Variants in MXD1 observed in about 807,000 individuals in gnomAD.
MXD1 encodes MAX dimerization protein 1, also known as MAX-binding protein.
A neutral mutation model predicts 25.7 loss-of-function variants in MXD1; 9 were observed. The ratio of observed to expected loss-of-function variants is 0.35; its 90% CI spans 0.21 to 0.61. The LOEUF (loss-of-function observed/expected upper bound fraction) is 0.61. MXD1 is among the 20% of genes least tolerant of loss of function. MXD1 has a pLI of 0.75. For synonymous variants in MXD1, 99 were observed against 113.9 expected, an observed-to-expected ratio of 0.87 and a Z score of 0.83; for missense variants, 227 against 292.4, an observed-to-expected ratio of 0.78 and a Z score of 1.63.
Position 69,938,538 on chromosome 2 carries a change from G to T in MXD1, c.*254G>T. 1 of 438,614 alleles carries T rather than the reference G, an allele frequency of 2.3e-6. No homozygotes were observed. The highest frequency in any genetic ancestry group is 6.2e-4 in the Middle Eastern group (1 of 1,610). 27.2% of individuals were successfully genotyped at this position (438,614 alleles called of 1,614,324 possible). A position where few individuals can be genotyped will look rare whatever the true frequency, so the allele number is the denominator to read the frequency against. ...ATTCCAATCAATTTGAAGCATCCAA[G>T]AATTCTTAGACCGAATAAGCAATGT... is the stretch of plus-strand genomic sequence containing the variant. On this transcript the variant is annotated 3_prime_UTR_variant, in exon 6 of 6. Coordinates refer to ENST00000264444, the MANE Select transcript of MXD1 (RefSeq NM_002357.4).
rs886788914 is a variant in MXD1 at position 69,939,038 on chromosome 2, C to T, written c.*754C>T. ...GTTCTGCTATCTCGAGGCACATTCT[C>T]CCCTCCAACTTTGTTAATGCTACTT... is the stretch of plus-strand genomic sequence containing the variant. On this transcript the variant is annotated 3_prime_UTR_variant, in exon 6 of 6. Transcript: ENST00000264444. The T allele has an allele frequency of 6.6e-6, 1 of 152,574 alleles. No individual in the cohort carries two copies. Among genetic ancestry groups the T allele is most frequent in the African/African-American group, 2.4e-5 (1 of 41,408 alleles). The allele number at this position is 152,574 out of a possible 1,614,324, so 9.5% of individuals were successfully genotyped here.
intron 2 of MXD1, among the ~76,000 whole-genome samples, chr2:69,919,193 T>C (rs1272480965): frequency 1.3e-5 from 2 of 152,198 alleles, no homozygotes; most frequent in African/African-American, 2.4e-5. Flanking sequence ...AATCCAGAAA[T>C]ATTTTGGTAA....
rs1475891161 is a variant in MXD1, at chr2:69,921,776, G to T, written c.203+11G>T. On this transcript the variant is annotated intron_variant, in intron 3 of 5. Transcript: ENST00000264444. The stretch of plus-strand genomic sequence containing the variant: ...AATGGAGAAGAATAGGTGAGTTGGG[G>T]ATTTGGGAGGTGGAATGCGGGGAGC... 5 of 1,610,628 alleles carry T rather than the reference G, an allele frequency of 3.1e-6. No individual in the cohort carries two copies. The Admixed American group carries it at 6.7e-5, about 22-fold the overall frequency.
rs4853173 is a variant in MXD1 at position 69,940,890 on chromosome 2, G to A, written c.*2606G>A. The A allele has an allele frequency of 0.029, 4,455 of 152,718 alleles. 433 individuals are homozygous for A. The highest frequency in any genetic ancestry group is 0.2 in the Admixed American group (3,029 of 15,272). The allele number at this position is 152,718 out of a possible 1,614,324, so 9.5% of individuals were successfully genotyped here. A position where few individuals can be genotyped will look rare whatever the true frequency, so the allele number is the denominator to read the frequency against. ...CAACCCCATCCTCCGCGCCCCGTGC[G>A]GCTGATCGGCAGCCCTGATTCGCCA... On this transcript the variant is annotated 3_prime_UTR_variant, in exon 6 of 6. Transcript: ENST00000264444.
intron 2 of MXD1, among the ~76,000 whole-genome samples, chr2:69,919,983 A>AGTTTTGTTTTGTTTT (rs71993271): frequency 1.0e-4 from 15 of 150,498 alleles, no homozygotes; most frequent in Admixed American, 6.6e-4. Context: ...ACCATTTTAA[A>AGTTTTGTTTTGTTTT]GTTTTGTTTT....
intron 3 of MXD1, among the ~76,000 whole-genome samples, chr2:69,927,681 G>C (rs1049941210): frequency 6.6e-6 from 1 of 152,146 alleles, no homozygotes; most frequent in African/African-American, 2.4e-5. Flanking sequence ...TGAAAATTAG[G>C]CTCTGAAAAG....
At position 69,935,424 on chromosome 2, in the gene MXD1, A is replaced by G. The variant is rs756858594; in HGVS notation, c.277A>G (p.Thr93Ala). Residue 93 changes from threonine (T) to alanine (A), a missense_variant, in exon 4 of 6, where the codon ACT (threonine) becomes GCT (alanine). By Grantham distance (58) the Thr-to-Ala change is moderately conservative. Coordinates refer to ENST00000264444, the MANE Select transcript of MXD1 (RefSeq NM_002357.4). ...ACTTGGACCCGAATCAAGTCGACAC[A>G]CTACGTTGAGTTTATTAACAAAAGC... ...VPLGPESSRH[T>A]TLSLLTKAKL... is the part of the protein sequence containing the mutation. The G allele has an allele frequency of 6.2e-7, 1 of 1,614,168 alleles. No individual in the cohort carries two copies. The highest frequency in any genetic ancestry group is 8.5e-7 in the Non-Finnish European group (1 of 1,179,994).
In MXD1 at chr2:69,938,294, C is replaced by T; in HGVS notation, c.*10C>T. 6.2e-7 allele frequency: 1 copy of T among 1,612,940 alleles called. No homozygotes were observed. The highest frequency in any genetic ancestry group is 8.5e-7 in the Non-Finnish European group (1 of 1,179,154). On this transcript the variant is annotated 3_prime_UTR_variant, in exon 6 of 6. Transcript: ENST00000264444. ...GTGTCTTGGTCTCTAAGAGAGTGGG[C>T]ACTGCGGCTGTCTCCTTGAAGGTTC...
chr2:69,915,523 C>A lies in MXD1; in HGVS notation c.73+120C>A, dbSNP rs1383763653. On this transcript the variant is annotated intron_variant, in intron 1 of 5. Transcript: ENST00000264444. The surrounding 1 kb of genome is among the most constrained non-coding windows in gnomAD (Gnocchi z 5.8). ...TGGAGGCGGGGAGACCGCGAGCGCTCCCAACCCCTCTGGCTCTCCCCACGC... is the reference window on the plus strand; with the variant it reads ...TGGAGGCGGGGAGACCGCGAGCGCTACCAACCCCTCTGGCTCTCCCCACGC... 6 of 753,534 alleles carry A rather than the reference C, an allele frequency of 8.0e-6. No homozygotes were observed. Among genetic ancestry groups the A allele is most frequent in the Non-Finnish European group, 1.1e-5 (6 of 538,130 alleles). The allele number at this position is 753,534 out of a possible 1,614,324, so 46.7% of individuals were successfully genotyped here.
intron 3 of MXD1, among the ~76,000 whole-genome samples, chr2:69,927,304 G>C (rs1021527740): frequency 6.6e-6 from 1 of 152,144 alleles, no homozygotes; most frequent in African/African-American, 2.4e-5. Flanking sequence ...TATTGTTTCT[G>C]AACTTTCTTG....
rs369538575 is a variant in MXD1, at chr2:69,937,414, C to T, written c.478+20C>T. 2.2e-5 allele frequency: 35 copies of T among 1,576,896 alleles called. No homozygotes were observed. Among genetic ancestry groups the T allele is most frequent in the Non-Finnish European group, 2.8e-5 (33 of 1,162,862 alleles). ...ACAGGGGTGAGCCTCTCTCACTCTC[C>T]TCCCTGTCTCCCTTGTGCTCCCCAA... is the stretch of plus-strand genomic sequence containing the variant. On this transcript the variant is annotated intron_variant, in intron 5 of 5. Coordinates refer to ENST00000264444, the MANE Select transcript of MXD1 (RefSeq NM_002357.4).
chr2:69,938,791 T>TG lies in MXD1; in HGVS notation c.*508dup, dbSNP rs1462625517. On this transcript the variant is annotated 3_prime_UTR_variant, in exon 6 of 6. Transcript: ENST00000264444. The stretch of plus-strand genomic sequence containing the variant: ...ACTTAACCATGGACCTCACCACCAG[T>TG]GAGGAAGTCAGGAATACCTCTAGAA... The TG allele has an allele frequency of 1.3e-5, 2 of 154,102 alleles. No homozygotes were observed. The highest frequency in any genetic ancestry group is 3.9e-4 in the East Asian group (2 of 5,188). The allele number at this position is 154,102 out of a possible 1,614,324, so 9.5% of individuals were successfully genotyped here.
intron 3 of MXD1, among the ~76,000 whole-genome samples, chr2:69,921,996 A>C (rs2104168227): frequency 6.6e-6 from 1 of 152,340 alleles, no homozygotes; most frequent in African/African-American, 2.4e-5. Flanking sequence ...CTCCTGAAGA[A>C]GGCCTTTGAA....
Position 69,915,171 on chromosome 2 carries a change from T to C in MXD1, c.-160T>C, listed in dbSNP as rs1033502844. 1.9e-6 allele frequency: 1 copy of C among 521,854 alleles called. No homozygotes were observed. The highest frequency in any genetic ancestry group is 3.0e-6 in the Non-Finnish European group (1 of 332,146). The allele number at this position is 521,854 out of a possible 1,614,324, so 32.3% of individuals were successfully genotyped here. Reference sequence around the variant, plus strand: ...CAGCTCACTGGCCCCCTCCCTCTCTTGTCGAGCGTGGTTGCCAGAGAGGCT... The same window carrying C: ...CAGCTCACTGGCCCCCTCCCTCTCTCGTCGAGCGTGGTTGCCAGAGAGGCT... On this transcript the variant is annotated 5_prime_UTR_variant, in exon 1 of 6. Transcript: ENST00000264444. This position sits in a 1 kb window ranked among gnomAD's most constrained non-coding sequence, Gnocchi z 5.8.
At chr2:69,928,011 C>A (rs889154225) in intron 3 of MXD1, among the ~76,000 whole-genome samples, 3 of 151,170 alleles carry the variant, frequency 2.0e-5, no homozygotes, top group African/African-American at 7.3e-5. Flanking sequence ...TTCTGTTTAA[C>A]CCAGTAGGGC....
chr2:69,936,965 A>AG (rs142032315), intron 4 of MXD1: 51,112 of 576,226 alleles, frequency 0.089, 2,715 homozygotes, highest in Non-Finnish European at 0.11. Context: ...ACTAAAACTG[A>AG]GGGCTACCAG....
At chr2:69,932,639 C>T (rs1229165329) in intron 3 of MXD1, among the ~76,000 whole-genome samples, 1 of 152,184 alleles carries the variant, frequency 6.6e-6, no homozygotes, top group African/African-American at 2.4e-5. Flanking sequence ...AGTTTCACGA[C>T]TAGGAGTGTT....
intron 2 of MXD1, among the ~76,000 whole-genome samples, chr2:69,916,967 C>T (rs565138086): frequency 2.2e-4 from 34 of 152,308 alleles, no homozygotes; most frequent in Admixed American, 2.2e-3. Context: ...ATCAATGTTG[C>T]TGCCCGTTTC....
chr2:69,917,019 G>C (rs1039104563), intron 2 of MXD1, among the ~76,000 whole-genome samples: 3 of 152,114 alleles, frequency 2.0e-5, no homozygotes, highest in Admixed American at 2.0e-4. Flanking sequence ...TAGGAAATTT[G>C]TTCTATTAGA....
Sources: gnomAD v4.1 joint callset for allele counts (sites outside exome capture counted in the v4.1 genomes callset) on GRCh38, gnomAD v4.1.1 for gene constraint, Gnocchi (gnomAD v3.1) non-coding constraint, MANE v1.5 for transcripts, NCBI Gene and HGNC (gene_info 2026-07-23, HGNC 2026-07-21) for gene names.